The following KCNQ2 variants were observed in gnomAD, a reference collection of about 807,000 sequenced individuals.
KCNQ2 encodes the protein potassium voltage-gated channel subfamily KQT member 2.
KCNQ2 carries 14 observed loss-of-function variants against 84.8 expected under a neutral mutation model. The observed-to-expected ratio is 0.17, with a 90% CI of 0.11 to 0.26. KCNQ2 has a LOEUF of 0.26. Among genes scored for constraint, KCNQ2 ranks in the 10% least tolerant of loss-of-function variants. The pLI is 1.00. For synonymous variants in KCNQ2, 599 were observed against 554.1 expected, an observed-to-expected ratio of 1.08 and a Z score of -1.14; for missense variants, 788 against 1,254.0, an observed-to-expected ratio of 0.63 and a Z score of 5.61.
chr20:63,434,764 A>T (rs1165657477), intron 7 of KCNQ2: 1 of 152,256 alleles, frequency 6.6e-6, no homozygotes, highest in Non-Finnish European at 1.5e-5. Context: ...TCCGCGTCGT[A>T]GCAAGGGGCA....
rs750635636 is a variant in KCNQ2, at chr20:63,414,916, C to T, written c.1512G>A (p.Arg504=). The change falls in exon 13 of 17, where the codon CGG becomes CGA. Residue 504 remains arginine (R), a synonymous_variant. Transcript: ENST00000359125. The surrounding 1 kb of genome is among the most constrained non-coding windows in gnomAD (Gnocchi z 6.6). The part of the protein sequence containing the change: ...QAFRIKGAAS[R]QNSEEASLPG... ...GGCCACACCCACCTTCTGAGTTCTG[C>T]CGTGACGCGGCACCCTTGATGCGGA... 22 of 1,612,470 alleles carry T rather than the reference C, an allele frequency of 1.4e-5. No individual in the cohort carries two copies. The highest frequency in any genetic ancestry group is 4.5e-5 in the East Asian group (2 of 44,826).
Position 63,442,390 on chromosome 20 carries a change from A to C in KCNQ2, c.816+16T>G. 3 of 1,613,678 alleles carry C rather than the reference A, an allele frequency of 1.9e-6. No homozygotes were observed. Among genetic ancestry groups the C allele is most frequent in the Non-Finnish European group, 2.5e-6 (3 of 1,179,916 alleles). ...TATCAGCAGGGAAAGGGAAAACCAC[A>C]ATGACCACAACTCACCAGGCCCCAC... On this transcript the variant is annotated intron_variant, in intron 5 of 16. Transcript: ENST00000359125.
At chr20:63,461,365 C>T (rs753941239) in intron 1 of KCNQ2, among the ~76,000 whole-genome samples, 1 of 152,184 alleles carries the variant, frequency 6.6e-6, no homozygotes, top group African/African-American at 2.4e-5. Context: ...AGAAGCCGGT[C>T]GTGTACCTTG....
chr20:63,428,316 C>A, intron 10 of KCNQ2, 51 bp downstream of exon 10: 1 of 1,434,330 alleles, frequency 7.0e-7, no homozygotes, highest in Non-Finnish European at 9.6e-7. Context: ...AGCTGGGGCC[C>A]CCAGGAGGAC....
intron 1 of KCNQ2, among the ~76,000 whole-genome samples, chr20:63,455,387 G>A (rs2081751974): frequency 6.6e-6 from 1 of 152,146 alleles, no homozygotes. Context: ...AGAGGGGCAG[G>A]GGGACACCTG....
At chr20:63,462,810 A>G (rs1243107361) in intron 1 of KCNQ2, among the ~76,000 whole-genome samples, 1 of 152,172 alleles carries the variant, frequency 6.6e-6, no homozygotes, top group Non-Finnish European at 1.5e-5. Context: ...CGGAGCCTAG[A>G]GGGGGACATG....
intron 8 of KCNQ2, among the ~76,000 whole-genome samples, chr20:63,432,180 AGGGAAGGCTCCACCCTCT>A: frequency 6.8e-6 from 1 of 147,672 alleles, no homozygotes; most frequent in African/African-American, 2.5e-5. Context: ...CCACACCCAC[AGGGAAGGCTCCACCCTCT>A]GGGAAGGATC....
intron 15 of KCNQ2, chr20:63,412,103 G>C: frequency 5.7e-6 from 3 of 526,106 alleles, no homozygotes; most frequent in Non-Finnish European, 1.0e-5. Flanking sequence ...CGGGTGGCGG[G>C]CGGCCCCACT....
chr20:63,443,277 TCACCATCACCATCATCACCAC>T (rs2081293957), intron 4 of KCNQ2, among the ~76,000 whole-genome samples: 8 of 13,390 alleles, frequency 6.0e-4, no homozygotes, highest in Admixed American at 4.1e-3. Flanking sequence ...ATCACCACCA[TCACCATCACCATCATCACCAC>T]CACCATCACC....
intron 1 of KCNQ2, among the ~76,000 whole-genome samples, chr20:63,462,793 C>T (rs901640890): frequency 3.3e-5 from 5 of 152,162 alleles, no homozygotes; most frequent in Admixed American, 2.0e-4. Flanking sequence ...AAGTCGTGAG[C>T]GCCCGACGGA....
In KCNQ2 at chr20:63,408,388, AC is replaced by A. The variant is rs1568864532; in HGVS notation, c.1887+24del. 1 of 1,598,874 alleles carries A rather than the reference AC, an allele frequency of 6.3e-7. No homozygotes were observed. Among genetic ancestry groups the A allele is most frequent in the South Asian group, 1.1e-5 (1 of 90,450 alleles). ...AGGCACCACAGCCCTCCAGCCCCGC[AC>A]CCCTCCCGCCCAGCCTCTCGCACCT... On this transcript the variant is annotated intron_variant, in intron 16 of 16. Coordinates refer to ENST00000359125, the MANE Select transcript of KCNQ2 (RefSeq NM_172107.4). The surrounding 1 kb of genome is among the most constrained non-coding windows in gnomAD (Gnocchi z 5.0).
chr20:63,441,542 A>G (rs2081162809), intron 5 of KCNQ2, among the ~76,000 whole-genome samples: 1 of 152,130 alleles, frequency 6.6e-6, no homozygotes, highest in Admixed American at 6.5e-5. Flanking sequence ...GTTGCCCACA[A>G]AAGACCTGGG....
chr20:63,442,834 C>T (rs1030320891), intron 4 of KCNQ2, among the ~76,000 whole-genome samples: 1 of 102,442 alleles, frequency 9.8e-6, no homozygotes, highest in Non-Finnish European at 2.1e-5. Context: ...TCACCATCAC[C>T]ACCACCACCA....
At chr20:63,426,943 G>A (rs534502508) in intron 10 of KCNQ2, among the ~76,000 whole-genome samples, 4 of 152,290 alleles carry the variant, frequency 2.6e-5, no homozygotes, top group African/African-American at 4.8e-5. Flanking sequence ...ATCAGAGGCC[G>A]GGCACAGTGG....
intron 1 of KCNQ2, chr20:63,461,041 G>C (rs1320696584): frequency 6.6e-6 from 1 of 152,262 alleles, no homozygotes; most frequent in Non-Finnish European, 1.5e-5. Context: ...GGCGGGCGCA[G>C]ACACCTGGAA....
rs980301027 is a variant in KCNQ2 at position 63,448,677 on chromosome 20, TCTCCCCA to T, written c.297-1847_297-1841del. 1.4e-4 allele frequency: 22 copies of T among 152,258 alleles called. 1 individual carries two copies. Among genetic ancestry groups the T allele is most frequent in the Admixed American group, 1.4e-3 (21 of 15,296 alleles). 9.4% of individuals were successfully genotyped at this position (152,258 alleles called of 1,614,324 possible). A position where few individuals can be genotyped will look rare whatever the true frequency, so the allele number is the denominator to read the frequency against. On this transcript the variant is annotated intron_variant, in intron 1 of 16. Coordinates refer to ENST00000359125, the MANE Select transcript of KCNQ2 (RefSeq NM_172107.4). ...GTTCCGGGCAGTGTCCCCGCTCCCCTCTCCCCACTCCCACAGAGGAAATATTCCCTGG... is the reference window on the plus strand; with the variant it reads ...GTTCCGGGCAGTGTCCCCGCTCCCCTCTCCCACAGAGGAAATATTCCCTGG...
At position 63,406,763 on chromosome 20, in the gene KCNQ2, T is replaced by C. The variant is rs1555850289; in HGVS notation, c.2500A>G (p.Ile834Val). 3 of 1,612,406 alleles carry C rather than the reference T, an allele frequency of 1.9e-6. No individual in the cohort carries two copies. The highest frequency in any genetic ancestry group is 2.5e-6 in the Non-Finnish European group (3 of 1,179,806). ...TCGGTGTCTGACTCTCCCTCCGCAA[T>C]GTAGGGCCTGACTTTGGCACAAGGC... Reference protein sequence around the residue: ...VAPCAKVRPYIAEGESDTDSD... With the variant: ...VAPCAKVRPYVAEGESDTDSD... Residue 834 changes from isoleucine to valine, a missense_variant, in exon 17 of 17, where the codon ATT becomes GTT. Physicochemically the swap from Ile to Val is conservative, Grantham distance 29. Around this residue, in one of 8 missense-constraint regions of KCNQ2, gnomAD observed 378 missense variants for 434.5 expected, o/e 0.87. Coordinates refer to ENST00000359125, the MANE Select transcript of KCNQ2 (RefSeq NM_172107.4).
chr20:63,435,450 C>T lies in KCNQ2; in HGVS notation c.1024-1547G>A, dbSNP rs553584196. ...GGAGCCTGAAGACGGGACTGAACTG[C>T]TGCCATCTCAGGATAAAACTCTAAC... is the stretch of plus-strand genomic sequence containing the variant. On this transcript the variant is annotated intron_variant, in intron 7 of 16. Transcript: ENST00000359125. 2.0e-5 allele frequency among the ~76,000 whole-genome samples: 3 copies of T among 151,400 alleles called. No homozygotes were observed. In the East Asian group the frequency reaches 5.8e-4, roughly 29 times the overall value.
rs1295948424 is a variant in KCNQ2, at chr20:63,417,662, C to T, written c.1301+1957G>A. On this transcript the variant is annotated intron_variant, in intron 12 of 16. Transcript: ENST00000359125. ...ATACCCAGGCGGCCACACAGACGTG[C>T]GGGCCAGGAAGGGTCAGGCCCCACA... is the stretch of plus-strand genomic sequence containing the variant. 5.9e-5 allele frequency among the ~76,000 whole-genome samples: 9 copies of T among 152,250 alleles called. No individual in the cohort carries two copies. In the South Asian group the frequency reaches 1.4e-3, roughly 24 times the overall value.
Sources: allele counts gnomAD v4.1 joint callset (sites outside exome capture counted in the v4.1 genomes callset), GRCh38; gene constraint gnomAD v4.1.1; regional missense constraint gnomAD v4.1.1; non-coding constraint Gnocchi (gnomAD v3.1); transcripts MANE v1.5; gene names NCBI Gene and HGNC (gene_info 2026-07-23, HGNC 2026-07-21).